The following HIPK2 variants were observed in gnomAD, a reference collection of about 807,000 sequenced individuals.
The protein encoded by HIPK2 is homeodomain interacting protein kinase 2.
In HIPK2, 27 loss-of-function variants were observed where a neutral mutation model predicts 113.7. The observed-to-expected ratio is 0.24, with a 90% CI of 0.17 to 0.33. The LOEUF (loss-of-function observed/expected upper bound fraction) is 0.33, where lower values mean the gene tolerates loss of function less well. HIPK2 is among the 10% of genes least tolerant of loss of function. HIPK2 has a pLI of 1.00. For missense variants in HIPK2, 1,257 were observed against 1,588.0 expected (o/e 0.79, Z 3.54); for synonymous variants, 631 against 642.2 (o/e 0.98, Z 0.26).
At chr7:139,729,158 T>C (rs1795686200) in intron 1 of HIPK2, among the ~76,000 whole-genome samples, 1 of 151,996 alleles carries the variant, frequency 6.6e-6, no homozygotes, top group South Asian at 2.1e-4. Flanking sequence ...ATCCTGTCTC[T>C]ACAAAAAACA....
chr7:139,769,353 C>CTCCATCTCCACGGCCG (rs1203472472), intron 1 of HIPK2, among the ~76,000 whole-genome samples: 32 of 151,578 alleles, frequency 2.1e-4, no homozygotes, highest in East Asian at 3.9e-4. Context: ...CATGGCCCAC[C>CTCCATCTCCACGGCCG]CCTGGCTGTC....
chr7:139,595,806 T>A (rs1412021065), intron 12 of HIPK2, among the ~76,000 whole-genome samples: 16 of 152,238 alleles, frequency 1.1e-4, no homozygotes. Flanking sequence ...GATTACTAAT[T>A]AGTTACATTG....
intron 1 of HIPK2, among the ~76,000 whole-genome samples, chr7:139,719,393 C>T (rs1007105520): frequency 1.3e-5 from 2 of 152,098 alleles, no homozygotes; most frequent in African/African-American, 4.8e-5. Context: ...TGTGAGCCAC[C>T]GCACCCAGCC....
intron 1 of HIPK2, among the ~76,000 whole-genome samples, chr7:139,750,741 A>G (rs1796265160): frequency 6.6e-6 from 1 of 152,202 alleles, no homozygotes; most frequent in Non-Finnish European, 1.5e-5. Flanking sequence ...CCAGTTTTTC[A>G]TCTGTTGTGG....
Position 139,709,937 on chromosome 7 carries a change from A to T in HIPK2, c.1103+5995T>A, listed in dbSNP as rs183064333. Among the ~76,000 whole-genome samples, 294 of 152,340 alleles carry T rather than the reference A, an allele frequency of 1.9e-3. No homozygotes were observed. In the Middle Eastern group the frequency reaches 0.027, roughly 14 times the overall value. On this transcript the variant is annotated intron_variant, in intron 2 of 14. Transcript: ENST00000406875. ...TGCAATCAAAGCATCGGAAAAGTTAAATGCACTAACAATGTCCACATTCAT... is the reference window on the plus strand; with the variant it reads ...TGCAATCAAAGCATCGGAAAAGTTATATGCACTAACAATGTCCACATTCAT...
intron 13 of HIPK2, among the ~76,000 whole-genome samples, chr7:139,582,598 G>T (rs952388478): frequency 1.3e-5 from 2 of 152,376 alleles, no homozygotes; most frequent in Non-Finnish European, 2.9e-5. Flanking sequence ...AAGGTAGCTG[G>T]GGTAACTCCA....
intron 12 of HIPK2, among the ~76,000 whole-genome samples, chr7:139,591,269 A>G (rs1799011783): frequency 6.6e-6 from 1 of 152,230 alleles, no homozygotes; most frequent in Non-Finnish European, 1.5e-5. Flanking sequence ...TAGAGAAATC[A>G]GAAACAGGGT....
chr7:139,624,814 C>T (rs1000216792), intron 6 of HIPK2, among the ~76,000 whole-genome samples: 9 of 152,186 alleles, frequency 5.9e-5, no homozygotes, highest in African/African-American at 2.2e-4. Context: ...CTGGACAAAC[C>T]TAGATCAGAA....
intron 2 of HIPK2, among the ~76,000 whole-genome samples, chr7:139,648,769 G>A (rs1363994596): frequency 1.3e-5 from 2 of 152,020 alleles, no homozygotes; most frequent in Non-Finnish European, 2.9e-5. Context: ...CGGAGCAGAA[G>A]GAGGGAGAGG....
intron 2 of HIPK2, among the ~76,000 whole-genome samples, chr7:139,671,266 T>C (rs1230192154): frequency 6.6e-6 from 1 of 152,114 alleles, no homozygotes; most frequent in Non-Finnish European, 1.5e-5. Flanking sequence ...CAAACAATAA[T>C]AGAAGATTCT....
chr7:139,618,661 C>T (rs577926980), intron 7 of HIPK2, among the ~76,000 whole-genome samples: 1 of 152,272 alleles, frequency 6.6e-6, no homozygotes, highest in South Asian at 2.1e-4. Flanking sequence ...GGCGGTGGCC[C>T]CCCACCCCGC....
At chr7:139,599,977 T>C (rs1309955757) in intron 11 of HIPK2, among the ~76,000 whole-genome samples, 1 of 152,132 alleles carries the variant, frequency 6.6e-6, no homozygotes, top group Non-Finnish European at 1.5e-5. Context: ...AGGTTCCTCA[T>C]CCTCCAGGTG....
intron 2 of HIPK2, among the ~76,000 whole-genome samples, chr7:139,652,363 G>C (rs376694053): frequency 3.3e-5 from 5 of 152,252 alleles, no homozygotes; most frequent in East Asian, 3.9e-4. Flanking sequence ...CCCTGAGCTC[G>C]GGGACATGAT....
chr7:139,687,424 C>A (rs1222060466), intron 2 of HIPK2, among the ~76,000 whole-genome samples: 1 of 152,178 alleles, frequency 6.6e-6, no homozygotes, highest in Non-Finnish European at 1.5e-5. Context: ...TTGAGGTGGT[C>A]TGAAACCAAG....
At chr7:139,740,330 G>A (rs529566063) in intron 1 of HIPK2, among the ~76,000 whole-genome samples, 1 of 152,328 alleles carries the variant, frequency 6.6e-6, no homozygotes, top group South Asian at 2.1e-4. Flanking sequence ...GCCTGGTATC[G>A]CCCCGGAGAA....
intron 2 of HIPK2, among the ~76,000 whole-genome samples, chr7:139,637,646 G>A (rs1800856521): frequency 6.6e-6 from 1 of 152,194 alleles, no homozygotes; most frequent in Non-Finnish European, 1.5e-5. Flanking sequence ...CTCACTGTCT[G>A]TCTTCCCTGA....
At chr7:139,746,579 T>C (rs1796193886) in intron 1 of HIPK2, among the ~76,000 whole-genome samples, 1 of 152,144 alleles carries the variant, frequency 6.6e-6, no homozygotes, top group Admixed American at 6.5e-5. Flanking sequence ...TACTGACTAC[T>C]TATTGATGTC....
intron 2 of HIPK2, among the ~76,000 whole-genome samples, chr7:139,650,896 CT>C (rs1264023889): frequency 1.3e-5 from 2 of 152,224 alleles, no homozygotes; most frequent in Non-Finnish European, 2.9e-5. Flanking sequence ...TGACTGCAGC[CT>C]GGGCTAAGAG....
At chr7:139,693,934 G>T (rs1794489342) in intron 2 of HIPK2, among the ~76,000 whole-genome samples, 1 of 152,192 alleles carries the variant, frequency 6.6e-6, no homozygotes, top group South Asian at 2.1e-4. Flanking sequence ...CACATGAAAG[G>T]AGTGATAATC....
Sources: allele counts gnomAD v4.1 joint callset (sites outside exome capture counted in the v4.1 genomes callset), GRCh38; gene constraint gnomAD v4.1.1; transcripts MANE v1.5; gene names NCBI Gene and HGNC (gene_info 2026-07-23, HGNC 2026-07-21).